Variants in MYH9 observed in about 807,000 individuals in gnomAD.
MYH9 encodes myosin-9.
A neutral mutation model predicts 241.9 loss-of-function variants in MYH9; 29 were observed. The observed-to-expected ratio is 0.12, with a 90% confidence interval of 0.09 to 0.16. The LOEUF (loss-of-function observed/expected upper bound fraction) is 0.16. Ranked by LOEUF, MYH9 falls within the 10% of genes least tolerant of loss-of-function variation. MYH9 has a pLI of 1.00. For missense variants in MYH9, 1,803 were observed against 2,595.5 expected, an observed-to-expected ratio of 0.69 and a Z score of 6.63; for synonymous variants, 1,047 against 1,062.6, an observed-to-expected ratio of 0.99 and a Z score of 0.29.
At chr22:36,328,652 G>A (rs866920119) in intron 3 of MYH9, among the ~76,000 whole-genome samples, 8 of 152,196 alleles carry the variant, frequency 5.3e-5, no homozygotes, top group South Asian at 2.1e-4. Flanking sequence ...CTCCACAAAC[G>A]GTTGCTGTCT....
In MYH9 at chr22:36,298,903, C is replaced by T; in HGVS notation, c.3100+16G>A. Reference sequence around the variant, plus strand: ...GCCAGCCCCTGCCCATCACCTCCTGCTCGTCACCCCCTCACCTTCCAAGTC... The same window carrying T: ...GCCAGCCCCTGCCCATCACCTCCTGTTCGTCACCCCCTCACCTTCCAAGTC... On this transcript the variant is annotated intron_variant, in intron 24 of 40. Coordinates refer to ENST00000216181, the MANE Select transcript of MYH9 (RefSeq NM_002473.6). 1 of 1,613,212 alleles carries T rather than the reference C, an allele frequency of 6.2e-7. No homozygotes were observed. The highest frequency in any genetic ancestry group is 8.5e-7 in the Non-Finnish European group (1 of 1,179,854).
intron 25 of MYH9, among the ~76,000 whole-genome samples, chr22:36,296,525 C>T (rs1198770888): frequency 2.8e-5 from 4 of 142,986 alleles, no homozygotes; most frequent in African/African-American, 5.2e-5. Flanking sequence ...CGTGAGCCAA[C>T]GTGCCTGGTC....
At chr22:36,362,633 C>A (rs1299383537) in intron 1 of MYH9, among the ~76,000 whole-genome samples, 1 of 152,156 alleles carries the variant, frequency 6.6e-6, no homozygotes, top group Admixed American at 6.6e-5. Context: ...CATGCCAGCA[C>A]GCTCGGCTAA....
intron 1 of MYH9, among the ~76,000 whole-genome samples, chr22:36,361,169 C>A (rs1013752645): frequency 6.6e-6 from 1 of 152,204 alleles, no homozygotes; most frequent in Non-Finnish European, 1.5e-5. Flanking sequence ...GGTGGGCCCC[C>A]CTTCCCTTTC....
chr22:36,387,216 C>G (rs1177819312), intron 1 of MYH9, among the ~76,000 whole-genome samples: 1 of 152,318 alleles, frequency 6.6e-6, no homozygotes, highest in South Asian at 2.1e-4. Flanking sequence ...ATGAGGAAGT[C>G]GGCCGCGGAG....
chr22:36,313,529 A>G (rs2017101480), intron 13 of MYH9, among the ~76,000 whole-genome samples: 1 of 151,332 alleles, frequency 6.6e-6, no homozygotes, highest in Admixed American at 6.6e-5. Context: ...CATACCCTCA[A>G]CAAGCCTAAA....
intron 1 of MYH9, among the ~76,000 whole-genome samples, chr22:36,370,116 G>T (rs974097860): frequency 2.0e-5 from 3 of 152,174 alleles, no homozygotes; most frequent in African/African-American, 4.8e-5. Context: ...ACCCTCTGTG[G>T]CATTTATTTT....
chr22:36,299,975 A>G lies in MYH9; in HGVS notation c.2976+152T>C, dbSNP rs562340342. 51 of 1,111,098 alleles carry G rather than the reference A, an allele frequency of 4.6e-5. No individual in the cohort carries two copies. The African/African-American group carries it at 6.3e-4, about 14-fold the overall frequency. The allele number at this position is 1,111,098 out of a possible 1,614,324, so 68.8% of individuals were successfully genotyped here. A position where few individuals can be genotyped will look rare whatever the true frequency, so the allele number is the denominator to read the frequency against. On this transcript the variant is annotated intron_variant, in intron 23 of 40. Coordinates refer to ENST00000216181, the MANE Select transcript of MYH9 (RefSeq NM_002473.6). ...CTCAACTAAGGCCCATGGGACCTCCAGGGAGCACTTGCAGTTAAGCAGAAG... is the reference window on the plus strand; with the variant it reads ...CTCAACTAAGGCCCATGGGACCTCCGGGGAGCACTTGCAGTTAAGCAGAAG...
chr22:36,336,386 C>A (rs2017499650), intron 3 of MYH9, among the ~76,000 whole-genome samples: 1 of 152,242 alleles, frequency 6.6e-6, no homozygotes, highest in Admixed American at 6.5e-5. Flanking sequence ...CTTTTGCAGA[C>A]CACAGCTGCT....
chr22:36,320,123 A>G lies in MYH9; in HGVS notation c.1012+97T>C. On this transcript the variant is annotated intron_variant, in intron 9 of 40. Coordinates refer to ENST00000216181, the MANE Select transcript of MYH9 (RefSeq NM_002473.6). This position sits in a 1 kb window ranked among gnomAD's most constrained non-coding sequence, Gnocchi z 4.8. ...CCTTCCCCTTCCCCTGGCCTCTAGC[A>G]GGCTCCCCAGGCCCATCGGCTACCC... 6.4e-7 allele frequency: 1 copy of G among 1,559,078 alleles called. No individual in the cohort carries two copies. The highest frequency in any genetic ancestry group is 8.8e-7 in the Non-Finnish European group (1 of 1,138,340).
chr22:36,297,361 T>A lies in MYH9; in HGVS notation c.3101-347A>T, dbSNP rs148553228. The A allele has an allele frequency of 5.5e-4, 147 of 268,768 alleles. No homozygotes were observed. The East Asian group carries it at 0.011, about 21-fold the overall frequency. 16.6% of individuals were successfully genotyped at this position (268,768 alleles called of 1,614,324 possible). A position where few individuals can be genotyped will look rare whatever the true frequency, so the allele number is the denominator to read the frequency against. On this transcript the variant is annotated intron_variant, in intron 24 of 40. Coordinates refer to ENST00000216181, the MANE Select transcript of MYH9 (RefSeq NM_002473.6). ...TGTGTGTGAATCTGAACTTATATAA[T>A]GGAACTGCCTTGTGTGAATTCCACA...
At chr22:36,312,277 C>T in intron 13 of MYH9, 55 bp from the exon 14 acceptor site, 1 of 1,595,592 alleles carries the variant, frequency 6.3e-7, no homozygotes, top group Non-Finnish European at 8.6e-7. Context: ...GGGCACCCCA[C>T]CCTTCAAGAA....
rs575389881 is a variant in MYH9, at chr22:36,293,239, C to T, written c.4095+90G>A. 1.9e-5 allele frequency: 29 copies of T among 1,550,166 alleles called. No homozygotes were observed. In the East Asian group the frequency reaches 2.7e-4, roughly 15 times the overall value. On this transcript the variant is annotated intron_variant, in intron 30 of 40. Transcript: ENST00000216181. This position sits in a 1 kb window ranked among gnomAD's most constrained non-coding sequence, Gnocchi z 5.1. ...GGAGAGCAGCAATGGGCCGGCCCAG[C>T]GGGCAGGGCTGTCCTGCAGTGCCCA...
chr22:36,305,890 A>C lies in MYH9; in HGVS notation c.2159+40T>G. 1 of 1,611,634 alleles carries C rather than the reference A, an allele frequency of 6.2e-7. No individual in the cohort carries two copies. Among genetic ancestry groups the C allele is most frequent in the Non-Finnish European group, 8.5e-7 (1 of 1,179,370 alleles). ...CACCTCTGGGACTCACTGCACGCACAGCAGGGCCCAGGAGAAGCGGGCTCC... is the reference window on the plus strand; with the variant it reads ...CACCTCTGGGACTCACTGCACGCACCGCAGGGCCCAGGAGAAGCGGGCTCC... On this transcript the variant is annotated intron_variant, in intron 17 of 40. Coordinates refer to ENST00000216181, the MANE Select transcript of MYH9 (RefSeq NM_002473.6). The surrounding 1 kb of genome is among the most constrained non-coding windows in gnomAD (Gnocchi z 4.7).
At chr22:36,353,122 T>TC (rs762733720) in intron 1 of MYH9, among the ~76,000 whole-genome samples, 23,380 of 145,966 alleles carry the variant, frequency 0.16, 2,714 homozygotes, top group African/African-American at 0.34. Flanking sequence ...TGTGTGTGTG[T>TC]GTGTGTGTGT....
Position 36,301,648 on chromosome 22 carries a change from C to T in MYH9, c.2517G>A (p.Gln839=), listed in dbSNP as rs34498733. 2,031 of 1,613,812 alleles carry T rather than the reference C, an allele frequency of 1.3e-3. 16 individuals carry two copies. In the South Asian group the frequency reaches 0.014, roughly 11 times the overall value. The change falls in exon 21 of 41, where the codon CAG becomes CAA. Residue 839 remains glutamine, a synonymous_variant. Coordinates refer to ENST00000216181, the MANE Select transcript of MYH9 (RefSeq NM_002473.6). ...TCATCTCCTCCTCCTGCCGGCTCAC[C>T]TGCAGCAGCGGCTTGACCTGGGAGA... ...RLFTKVKPLL[Q]VSRQEEEMMA... is the part of the protein sequence containing the mutation.
intron 35 of MYH9, 91 bp from the exon 36 acceptor site, chr22:36,286,044 TCC>T: frequency 7.1e-7 from 1 of 1,412,346 alleles, no homozygotes; most frequent in African/African-American, 1.4e-5. Context: ...CTCAAGCCCT[TCC>T]CCAGGCCCAC....
At position 36,305,571 on chromosome 22, in the gene MYH9, G is replaced by A. The variant is rs902289571; in HGVS notation, c.2159+359C>T. 1.3e-5 allele frequency among the ~76,000 whole-genome samples: 2 copies of A among 152,176 alleles called. No homozygotes were observed. Among genetic ancestry groups the A allele is most frequent in the African/African-American group, 2.4e-5 (1 of 41,438 alleles). ...GCCGTCTTCGCACACAGCAACGCAC[G>A]GCCGTGTTTCATTTCCACAAAGTTC... On this transcript the variant is annotated intron_variant, in intron 17 of 40. Coordinates refer to ENST00000216181, the MANE Select transcript of MYH9 (RefSeq NM_002473.6). The surrounding 1 kb of genome is among the most constrained non-coding windows in gnomAD (Gnocchi z 4.7).
intron 1 of MYH9, among the ~76,000 whole-genome samples, chr22:36,366,630 C>T (rs2018015400): frequency 6.6e-6 from 1 of 152,146 alleles, no homozygotes; most frequent in South Asian, 2.1e-4. Context: ...GGCAAGAGCA[C>T]AAGAACGAAA....
Sources: allele counts gnomAD v4.1 joint callset (sites outside exome capture counted in the v4.1 genomes callset), GRCh38; gene constraint gnomAD v4.1.1; non-coding constraint Gnocchi (gnomAD v3.1); transcripts MANE v1.5; gene names NCBI Gene and HGNC (gene_info 2026-07-23, HGNC 2026-07-21).